Variants in RAB27B observed in about 807,000 individuals in gnomAD.
The protein encoded by RAB27B is RAB27B, member RAS oncogene family.
RAB27B carries 15 observed loss-of-function variants against 24.6 expected under a neutral mutation model. The observed-to-expected ratio is 0.61, with a 90% confidence interval of 0.41 to 0.94. The LOEUF (loss-of-function observed/expected upper bound fraction) is 0.94. RAB27B is among the 40% of genes least tolerant of loss of function. The probability of loss-of-function intolerance (pLI) is 0.00; values close to 1 mark genes in which losing one functional copy is unlikely to be tolerated. For synonymous variants in RAB27B, 105 were observed against 92.5 expected, an observed-to-expected ratio of 1.14 and a Z score of -0.78; for missense variants, 261 against 266.8, an observed-to-expected ratio of 0.98 and a Z score of 0.15.
intron 2 of RAB27B, among the ~76,000 whole-genome samples, chr18:54,768,028 G>T (rs1251009258): frequency 6.6e-6 from 1 of 152,104 alleles, no homozygotes; most frequent in Non-Finnish European, 1.5e-5. Context: ...AGGAAAGATG[G>T]GGAAAGCAAT....
chr18:54,728,924 C>CCCCAAAAAAAAAAAAAAAAAAAAAA (rs1909639213), intron 2 of RAB27B, among the ~76,000 whole-genome samples: 1 of 32,558 alleles, frequency 3.1e-5, no homozygotes, highest in Non-Finnish European at 6.7e-5. Flanking sequence ...AAAAAAAAAA[C>CCCCAAAAAAAAAAAAAAAAAAAAAA]CACCACCAAA....
chr18:54,851,080 G>A (rs1911568789), intron 1 of RAB27B, among the ~76,000 whole-genome samples: 1 of 152,050 alleles, frequency 6.6e-6, no homozygotes, highest in South Asian at 2.1e-4. Context: ...ATATTAATTT[G>A]AGTTATAGTC....
Position 54,892,679 on chromosome 18 carries a change from G to A in RAB27B, c.*3266G>A, listed in dbSNP as rs1913415579. ...TGAGCCTGTGGGTCTCTCCATAAGA[G>A]TTTTAAAACTCTTGCCAGTTACCAC... is the stretch of plus-strand genomic sequence containing the variant. On this transcript the variant is annotated 3_prime_UTR_variant, in exon 6 of 6. Coordinates refer to ENST00000262094, the MANE Select transcript of RAB27B (RefSeq NM_004163.4). The A allele has an allele frequency of 6.6e-6, 1 of 152,038 alleles. No homozygotes were observed. The highest frequency in any genetic ancestry group is 6.6e-5 in the Admixed American group (1 of 15,242). The allele number at this position is 152,038 out of a possible 1,614,324, so 9.4% of individuals were successfully genotyped here. A position where few individuals can be genotyped will look rare whatever the true frequency, so the allele number is the denominator to read the frequency against.
chr18:54,730,744 C>T (rs1317699982), intron 2 of RAB27B, among the ~76,000 whole-genome samples: 2 of 152,158 alleles, frequency 1.3e-5, no homozygotes, highest in African/African-American at 4.8e-5. Context: ...TGAGTAAAAG[C>T]TTCCTGAGGC....
upstream of RAB27B, among the ~76,000 whole-genome samples, chr18:54,824,159 G>T (rs1164659480): frequency 6.6e-6 from 1 of 152,170 alleles, no homozygotes; most frequent in Non-Finnish European, 1.5e-5. Context: ...GTAGGTTAGG[G>T]TTAATTCTCT....
At chr18:54,879,593 T>A in intron 3 of RAB27B, 139 bp downstream of exon 3, 1 of 708,502 alleles carries the variant, frequency 1.4e-6, no homozygotes, top group Non-Finnish European at 2.4e-6. Flanking sequence ...TATCCAGAAA[T>A]AAAAATAAAT....
intron 1 of RAB27B, among the ~76,000 whole-genome samples, chr18:54,874,298 A>G (rs1324547155): frequency 2.0e-5 from 3 of 152,178 alleles, no homozygotes; most frequent in Non-Finnish European, 4.4e-5. Flanking sequence ...GTCCCTGAAG[A>G]CACTGTTTTG....
In RAB27B at chr18:54,894,538, G is replaced by T. The variant is rs1913494604; in HGVS notation, c.*5125G>T. The T allele has an allele frequency of 6.6e-6, 1 of 152,002 alleles. No homozygotes were observed. Among genetic ancestry groups the T allele is most frequent in the Admixed American group, 6.6e-5 (1 of 15,236 alleles). 9.4% of individuals were successfully genotyped at this position (152,002 alleles called of 1,614,324 possible). On this transcript the variant is annotated 3_prime_UTR_variant, in exon 6 of 6. Coordinates refer to ENST00000262094, the MANE Select transcript of RAB27B (RefSeq NM_004163.4). ...CTTTATTCTTTTTCCAGGTGATTTT[G>T]TTTTCAAATGCTCCTTGTGAAAACA...
At chr18:54,811,207 A>G (rs1376258773) in intron 2 of RAB27B, among the ~76,000 whole-genome samples, 1 of 152,196 alleles carries the variant, frequency 6.6e-6, no homozygotes, top group Non-Finnish European at 1.5e-5. Context: ...TGAACTCAAT[A>G]GTATCTGAGA....
At chr18:54,812,372 T>C (rs573765909) in intron 2 of RAB27B, among the ~76,000 whole-genome samples, 1 of 152,310 alleles carries the variant, frequency 6.6e-6, no homozygotes, top group East Asian at 1.9e-4. Flanking sequence ...GAAATAATCC[T>C]AGGAGATGTT....
At chr18:54,859,036 G>A (rs1033671940) in intron 1 of RAB27B, among the ~76,000 whole-genome samples, 7 of 152,040 alleles carry the variant, frequency 4.6e-5, no homozygotes, top group Non-Finnish European at 8.8e-5. Flanking sequence ...AAACTAACAC[G>A]TCACTTTTTA....
intron 2 of RAB27B, among the ~76,000 whole-genome samples, chr18:54,723,698 T>G (rs924417032): frequency 1.3e-5 from 2 of 152,172 alleles, no homozygotes; most frequent in Admixed American, 1.3e-4. Flanking sequence ...AAATCCCTAG[T>G]AACACATCAA....
intron 1 of RAB27B, chr18:54,718,049 T>G (rs1909244709): frequency 6.6e-6 from 1 of 152,170 alleles, no homozygotes; most frequent in Admixed American, 6.5e-5. Flanking sequence ...CTATATTATT[T>G]TATGTTAATT....
intron 2 of RAB27B, among the ~76,000 whole-genome samples, chr18:54,758,434 A>G (rs1908074387): frequency 6.6e-6 from 1 of 152,212 alleles, no homozygotes; most frequent in Non-Finnish European, 1.5e-5. Context: ...TAAATGCAGT[A>G]CAAAATTTAA....
chr18:54,877,454 A>G, intron 1 of RAB27B, 113 bp from the exon 2 acceptor site: 1 of 759,476 alleles, frequency 1.3e-6, no homozygotes, highest in Non-Finnish European at 1.9e-6. Flanking sequence ...ATATGGCAGA[A>G]TAGAGGTATT....
intron 2 of RAB27B, among the ~76,000 whole-genome samples, chr18:54,809,462 C>G (rs929371461): frequency 2.0e-5 from 3 of 152,172 alleles, no homozygotes; most frequent in Admixed American, 1.3e-4. Flanking sequence ...GACTTGAACT[C>G]AACCTGCGAG....
chr18:54,821,793 GC>G (rs1910319146), intron 2 of RAB27B, among the ~76,000 whole-genome samples: 1 of 152,146 alleles, frequency 6.6e-6, no homozygotes, highest in African/African-American at 2.4e-5. Flanking sequence ...CACGCTTGTC[GC>G]CCAGGCTGGA....
At chr18:54,859,285 T>A (rs1911914495) in intron 1 of RAB27B, among the ~76,000 whole-genome samples, 1 of 152,230 alleles carries the variant, frequency 6.6e-6, no homozygotes. Flanking sequence ...TGTGATTCTT[T>A]TTCAGGAAGA....
chr18:54,859,355 C>T (rs1046998154), intron 1 of RAB27B, among the ~76,000 whole-genome samples: 2 of 152,024 alleles, frequency 1.3e-5, no homozygotes, highest in Non-Finnish European at 2.9e-5. Flanking sequence ...GTCCCTGTCC[C>T]AACTTAATGA....
Sources: gnomAD v4.1 joint callset for allele counts (sites outside exome capture counted in the v4.1 genomes callset) on GRCh38, gnomAD v4.1.1 for gene constraint, MANE v1.5 for transcripts, NCBI Gene and HGNC (gene_info 2026-07-23, HGNC 2026-07-21) for gene names.